The following PLG variants were observed in gnomAD, a reference collection of about 807,000 sequenced individuals.
PLG encodes plasmin.
Under a neutral mutation model 104.4 loss-of-function variants are expected in PLG, and 41 were observed. The ratio of observed to expected loss-of-function variants is 0.39; its 90% CI spans 0.31 to 0.51. The LOEUF (loss-of-function observed/expected upper bound fraction) is 0.51, where lower values mean the gene tolerates loss of function less well. Ranked by LOEUF, PLG falls within the 20% of genes least tolerant of loss-of-function variation. The probability of loss-of-function intolerance (pLI) is 0.76; values close to 1 mark genes in which losing one functional copy is unlikely to be tolerated. For missense variants in PLG, 891 were observed against 1,003.6 expected (o/e 0.89, Z 1.52); for synonymous variants, 337 against 357.1 (o/e 0.94, Z 0.63).
intron 9 of PLG, 81 bp from the exon 10 acceptor site, chr6:160,722,327 G>T: frequency 1.1e-6 from 1 of 923,302 alleles, no homozygotes; most frequent in Non-Finnish European, 1.8e-6. Context: ...AGAGGCTACC[G>T]TACTGTTTTT....
Position 160,734,745 on chromosome 6 carries a change from GA to G in PLG, c.1681+676del, listed in dbSNP as rs201754541. ...GAATAACAAATCCATGGGTATTTCTGAAAAAAAAAAAAAAAAAAAGAAAGGA... is the reference window on the plus strand; with the variant it reads ...GAATAACAAATCCATGGGTATTTCTGAAAAAAAAAAAAAAAAAAGAAAGGA... On this transcript the variant is annotated intron_variant, in intron 13 of 18. Coordinates refer to ENST00000308192, the MANE Select transcript of PLG (RefSeq NM_000301.5). This position sits in a 1 kb window ranked among gnomAD's most constrained non-coding sequence, Gnocchi z 4.4. Among the ~76,000 whole-genome samples, 31,731 of 113,786 alleles carry G rather than the reference GA, an allele frequency of 0.28. 3,655 individuals carry two copies. The highest frequency in any genetic ancestry group is 0.45 in the Middle Eastern group (107 of 236). 74.6% of individuals were successfully genotyped at this position (113,786 alleles called of 152,430 possible). A position where few individuals can be genotyped will look rare whatever the true frequency, so the allele number is the denominator to read the frequency against.
rs1778054164 is a variant in PLG at position 160,734,487 on chromosome 6, G to A, written c.1681+399G>A. On this transcript the variant is annotated intron_variant, in intron 13 of 18. Transcript: ENST00000308192. The surrounding 1 kb of genome is among the most constrained non-coding windows in gnomAD (Gnocchi z 4.4). ...AATACAAACAGCAGGAAACAGGTAA[G>A]CATGTAACGCACATTGTAAACCTCA... is the stretch of plus-strand genomic sequence containing the variant. Among the ~76,000 whole-genome samples the A allele has an allele frequency of 6.6e-6, 1 of 152,142 alleles. No homozygotes were observed. Among genetic ancestry groups the A allele is most frequent in the Non-Finnish European group, 1.5e-5 (1 of 68,022 alleles).
rs35192428 is a variant in PLG at position 160,735,008 on chromosome 6, C to CTGCCCAGCTTCGCAT, written c.1681+922_1681+936dup. Among the ~76,000 whole-genome samples the CTGCCCAGCTTCGCAT allele has an allele frequency of 0.042, 6,453 of 152,182 alleles. 397 individuals carry two copies. Among genetic ancestry groups the CTGCCCAGCTTCGCAT allele is most frequent in the African/African-American group, 0.13 (5,349 of 41,448 alleles). The stretch of plus-strand genomic sequence containing the variant: ...AGTGATGAAGATCATGGGAGCCACA[C>CTGCCCAGCTTCGCAT]TGCCCAGCTTCGCATTTGGGCTTCT... On this transcript the variant is annotated intron_variant, in intron 13 of 18. Coordinates refer to ENST00000308192, the MANE Select transcript of PLG (RefSeq NM_000301.5). The surrounding 1 kb of genome is among the most constrained non-coding windows in gnomAD (Gnocchi z 5.4).
At chr6:160,751,900 C>T (rs866835326) in intron 17 of PLG, among the ~76,000 whole-genome samples, 2 of 152,172 alleles carry the variant, frequency 1.3e-5, no homozygotes, top group African/African-American at 2.4e-5. Flanking sequence ...CAAACCAACA[C>T]GACAAAGCCC....
chr6:160,748,088 C>T (rs971962593), intron 17 of PLG, among the ~76,000 whole-genome samples: 25 of 151,772 alleles, frequency 1.6e-4, no homozygotes, highest in South Asian at 2.1e-4. Flanking sequence ...AGGCAGACCA[C>T]GAGGTCAGGA....
At chr6:160,747,566 T>C (rs1159510178) in intron 17 of PLG, among the ~76,000 whole-genome samples, 1 of 152,206 alleles carries the variant, frequency 6.6e-6, no homozygotes, top group African/African-American at 2.4e-5. Flanking sequence ...AAACCCAGCA[T>C]TTTCAAGTGG....
At chr6:160,733,816 C>T (rs1013209456) in intron 12 of PLG, among the ~76,000 whole-genome samples, 179 bp from the exon 13 acceptor site, 6 of 138,244 alleles carry the variant, frequency 4.3e-5, no homozygotes, top group Admixed American at 2.4e-4. Flanking sequence ...TGCACTCCAG[C>T]CTGGGCGACA....
In PLG at chr6:160,706,543, G is replaced by A; in HGVS notation, c.185+1G>A. ...AGGAGGACGAAGAATTCACCTGCAG[G>A]TATTTCCATTGTCGTTGCACCTACG... On this transcript the variant is annotated splice_donor_variant, in intron 2 of 18. Transcript: ENST00000308192. LOFTEE classifies it high-confidence loss of function. 6.2e-7 allele frequency: 1 copy of A among 1,613,538 alleles called. No homozygotes were observed. Among genetic ancestry groups the A allele is most frequent in the Non-Finnish European group, 8.5e-7 (1 of 1,179,594 alleles).
At chr6:160,727,930 GC>G (rs1259624351) in intron 10 of PLG, among the ~76,000 whole-genome samples, 7 of 151,692 alleles carry the variant, frequency 4.6e-5, no homozygotes, top group African/African-American at 7.3e-5. Context: ...CACAACCATT[GC>G]CATAAGACCT....
intron 7 of PLG, among the ~76,000 whole-genome samples, chr6:160,717,320 G>T (rs1230024750): frequency 6.6e-6 from 1 of 152,150 alleles, no homozygotes; most frequent in African/African-American, 2.4e-5. Flanking sequence ...TTGAAGCAAA[G>T]GATTACACAC....
rs746890698 is a variant in PLG at position 160,716,701 on chromosome 6, G to A, written c.725G>A (p.Arg242Gln). ...NYCRNPDREL[R>Q]PWCFTTDPNK... ...TGTCGTAACCCCGATAGGGAGCTGCGGCCTTGGTGTTTCACCACCGACCCC... is the reference window on the plus strand; with the variant it reads ...TGTCGTAACCCCGATAGGGAGCTGCAGCCTTGGTGTTTCACCACCGACCCC... Residue 242 changes from arginine (R) to glutamine (Q), a missense_variant, in exon 7 of 19, where the codon CGG (arginine) becomes CAG (glutamine). Arg to Gln is a conservative substitution (Grantham distance 43). Around this residue, in one of 2 missense-constraint regions of PLG, gnomAD observed 854 missense variants for 932.1 expected, o/e 0.92. Coordinates refer to ENST00000308192, the MANE Select transcript of PLG (RefSeq NM_000301.5). 1.2e-5 allele frequency: 20 copies of A among 1,613,658 alleles called. No homozygotes were observed. The highest frequency in any genetic ancestry group is 6.6e-5 in the South Asian group (6 of 91,070).
chr6:160,711,522 C>T (rs1777641995), intron 4 of PLG: 2 of 1,554,896 alleles, frequency 1.3e-6, no homozygotes, highest in East Asian at 2.3e-5. Flanking sequence ...ATACAGAGGG[C>T]CAACTGTATT....
Position 160,733,980 on chromosome 6 carries a change from C to G in PLG, c.1588-15C>G, listed in dbSNP as rs1435736937. 46 of 1,484,102 alleles carry G rather than the reference C, an allele frequency of 3.1e-5. No individual in the cohort carries two copies. In the Admixed American group the frequency reaches 7.4e-4, roughly 24 times the overall value. The allele number at this position is 1,484,102 out of a possible 1,614,324, so 91.9% of individuals were successfully genotyped here. On this transcript the variant is annotated splice_polypyrimidine_tract_variant and intron_variant, in intron 12 of 18. Coordinates refer to ENST00000308192, the MANE Select transcript of PLG (RefSeq NM_000301.5). ...CCCCACGTGAGCTGGAGCTTACATG[C>G]CTTCTTGTTTTCAGTACTGCCGTAA...
intron 17 of PLG, among the ~76,000 whole-genome samples, chr6:160,749,732 TATC>T (rs1366813174): frequency 2.0e-5 from 3 of 148,458 alleles, no homozygotes; most frequent in Non-Finnish European, 4.4e-5. Flanking sequence ...CCATTAGCAT[TATC>T]ATTACCACCA....
At chr6:160,711,009 C>G in intron 3 of PLG, 68 bp from the exon 4 acceptor site, 1 of 1,492,536 alleles carries the variant, frequency 6.7e-7, no homozygotes, top group South Asian at 1.1e-5. Context: ...CTCAACGTGA[C>G]TATGCTGTGC....
At chr6:160,729,877 A>C (rs532563061) in intron 10 of PLG, among the ~76,000 whole-genome samples, 1 of 152,370 alleles carries the variant, frequency 6.6e-6, no homozygotes, top group Non-Finnish European at 1.5e-5. Context: ...ATTTCACACT[A>C]TGTAAAAGTA....
chr6:160,714,044 T>C (rs143519411), intron 5 of PLG, among the ~76,000 whole-genome samples: 2 of 152,320 alleles, frequency 1.3e-5, no homozygotes, highest in Non-Finnish European at 2.9e-5. Flanking sequence ...GATCCTTTAT[T>C]TGTACACCAT....
chr6:160,750,841 T>A (rs910575255), intron 17 of PLG, among the ~76,000 whole-genome samples: 3 of 152,222 alleles, frequency 2.0e-5, no homozygotes, highest in Non-Finnish European at 4.4e-5. Flanking sequence ...AACTAGATTA[T>A]TTGTGACGAC....
chr6:160,711,954 GTGGCATTAAGTTC>G lies in PLG; in HGVS notation c.407+765_407+777del, dbSNP rs1458191262. 2.4e-6 allele frequency: 3 copies of G among 1,261,010 alleles called. No individual in the cohort carries two copies. In the African/African-American group the frequency reaches 4.6e-5, roughly 19 times the overall value. The allele number at this position is 1,261,010 out of a possible 1,614,324, so 78.1% of individuals were successfully genotyped here. On this transcript the variant is annotated intron_variant, in intron 4 of 18. Coordinates refer to ENST00000308192, the MANE Select transcript of PLG (RefSeq NM_000301.5). ...TGTACTTTTCCCAGTTTGGTGTTAG[GTGGCATTAAGTTC>G]TCAGTAATGACGCTTATCAAATAGG...
Sources: gnomAD v4.1 joint callset for allele counts (sites outside exome capture counted in the v4.1 genomes callset) on GRCh38, gnomAD v4.1.1 for gene constraint, gnomAD v4.1.1 regional missense constraint, Gnocchi (gnomAD v3.1) non-coding constraint, MANE v1.5 for transcripts, NCBI Gene and HGNC (gene_info 2026-07-23, HGNC 2026-07-21) for gene names.